The following TNNI3K variants were observed in gnomAD, a reference collection of about 807,000 sequenced individuals.
The protein encoded by TNNI3K is serine/threonine-protein kinase TNNI3K.
Under a neutral mutation model 114.5 loss-of-function variants are expected in TNNI3K, and 140 were observed. That is an observed-to-expected ratio of 1.22 (90% confidence interval 1.07 to 1.41). The LOEUF is 1.41. Among genes scored for constraint, TNNI3K ranks in the 40% most tolerant of loss-of-function variants. TNNI3K has a pLI of 0.00. For synonymous variants in TNNI3K, 347 were observed against 347.5 expected, an observed-to-expected ratio of 1.00 and a Z score of 0.02; for missense variants, 1,125 against 1,007.6, an observed-to-expected ratio of 1.12 and a Z score of -1.58.
At chr1:74,240,382 G>A (rs1368416107) in intron 2 of TNNI3K, 3 of 152,566 alleles carry the variant, frequency 2.0e-5, no homozygotes, top group Non-Finnish European at 4.4e-5. Context: ...TATTGTTTAT[G>A]TTAACAACCC....
At chr1:74,305,867 C>T (rs1400920499) in intron 5 of TNNI3K, among the ~76,000 whole-genome samples, 2 of 151,514 alleles carry the variant, frequency 1.3e-5, no homozygotes, top group South Asian at 2.1e-4. Flanking sequence ...AAAGCTTATT[C>T]TTTCTTCTTA....
At chr1:74,512,102 T>C (rs1235623822) in intron 23 of TNNI3K, among the ~76,000 whole-genome samples, 5 of 152,190 alleles carry the variant, frequency 3.3e-5, no homozygotes, top group Admixed American at 2.0e-4. Context: ...TGAAAAGATC[T>C]GGATGGGACT....
intron 1 of TNNI3K, among the ~76,000 whole-genome samples, chr1:74,235,772 A>G (rs1653812100): frequency 6.6e-6 from 1 of 151,468 alleles, no homozygotes; most frequent in East Asian, 1.9e-4. Flanking sequence ...TTAGAATTAT[A>G]TCTTAAGTAT....
intron 11 of TNNI3K, among the ~76,000 whole-genome samples, chr1:74,357,868 C>T (rs1164642958): frequency 6.6e-6 from 1 of 152,020 alleles, no homozygotes; most frequent in East Asian, 1.9e-4. Context: ...TCCTGTGGTA[C>T]AAAGGACCAG....
chr1:74,542,799 T>C (rs1262624701), intron 24 of TNNI3K, among the ~76,000 whole-genome samples: 1 of 152,056 alleles, frequency 6.6e-6, no homozygotes, highest in African/African-American at 2.4e-5. Context: ...AATGAATGGC[T>C]TTCTTGCTTC....
intron 6 of TNNI3K, among the ~76,000 whole-genome samples, chr1:74,332,976 A>AAAAAAAAAAAAAAAAAAAAAGAG (rs57556485): frequency 5.8e-4 from 53 of 90,756 alleles, no homozygotes; most frequent in Non-Finnish European, 9.7e-4. Context: ...AAAAAAAAAA[A>AAAAAAAAAAAAAAAAAAAAAGAG]AGAGAGAGAC....
At chr1:74,288,790 A>C (rs1440646697) in intron 5 of TNNI3K, among the ~76,000 whole-genome samples, 1 of 152,100 alleles carries the variant, frequency 6.6e-6, no homozygotes, top group African/African-American at 2.4e-5. Flanking sequence ...AAATTTAACT[A>C]TGTGAGGTGA....
intron 23 of TNNI3K, among the ~76,000 whole-genome samples, chr1:74,499,039 A>G (rs1669476700): frequency 6.6e-6 from 1 of 152,210 alleles, no homozygotes; most frequent in African/African-American, 2.4e-5. Context: ...AATCTTCATT[A>G]GAGAAATGAA....
At chr1:74,273,604 A>G (rs1350843352) in intron 5 of TNNI3K, among the ~76,000 whole-genome samples, 1 of 151,960 alleles carries the variant, frequency 6.6e-6, no homozygotes, top group African/African-American at 2.4e-5. Context: ...TAGTTTCTTC[A>G]TCTCCTATTC....
intron 5 of TNNI3K, among the ~76,000 whole-genome samples, chr1:74,328,814 A>G (rs1210363991): frequency 1.3e-5 from 2 of 152,112 alleles, no homozygotes; most frequent in East Asian, 3.9e-4. Flanking sequence ...TGCCTAAGAA[A>G]TTGGCTCTAT....
intron 24 of TNNI3K, among the ~76,000 whole-genome samples, chr1:74,540,855 G>A (rs1255426958): frequency 2.0e-5 from 3 of 152,086 alleles, no homozygotes; most frequent in African/African-American, 7.2e-5. Flanking sequence ...CAGTTTGATG[G>A]GAACCATTTT....
At chr1:74,465,400 T>C (rs45531140) in intron 21 of TNNI3K, among the ~76,000 whole-genome samples, 2,235 of 152,310 alleles carry the variant, frequency 0.015, 49 homozygotes, top group African/African-American at 0.051. Flanking sequence ...GCTTAGCACC[T>C]GAGCCAGCAG....
chr1:74,239,132 C>G (rs1020069277), intron 2 of TNNI3K, among the ~76,000 whole-genome samples: 14 of 151,980 alleles, frequency 9.2e-5, no homozygotes, highest in Non-Finnish European at 2.1e-4. Flanking sequence ...CTGGTGTGGT[C>G]TAAAGAGAGT....
chr1:74,391,912 G>A (rs1430500162), intron 17 of TNNI3K, among the ~76,000 whole-genome samples: 1 of 149,666 alleles, frequency 6.7e-6, no homozygotes. Context: ...AATAAGATGA[G>A]CAAAACATTC....
At chr1:74,277,536 G>C (rs1656757124) in intron 5 of TNNI3K, among the ~76,000 whole-genome samples, 1 of 152,086 alleles carries the variant, frequency 6.6e-6, no homozygotes, top group Admixed American at 6.6e-5. Context: ...CACTATATGG[G>C]CATAACCTAT....
At chr1:74,515,253 A>C (rs1646332999) in intron 23 of TNNI3K, among the ~76,000 whole-genome samples, 1 of 152,226 alleles carries the variant, frequency 6.6e-6, no homozygotes, top group Non-Finnish European at 1.5e-5. Flanking sequence ...CATAGAGCTT[A>C]GGAAGAAAAC....
intron 5 of TNNI3K, among the ~76,000 whole-genome samples, chr1:74,315,950 G>C (rs1183327811): frequency 6.6e-6 from 1 of 152,130 alleles, no homozygotes; most frequent in African/African-American, 2.4e-5. Flanking sequence ...TGTAGAAATT[G>C]AAAGAAGTAT....
chr1:74,237,589 G>A (rs1014218710), intron 2 of TNNI3K, among the ~76,000 whole-genome samples: 1 of 151,966 alleles, frequency 6.6e-6, no homozygotes, highest in Non-Finnish European at 1.5e-5. Context: ...TGAATATTAG[G>A]ATTAACAATG....
chr1:74,255,400 C>A (rs1003379022), intron 4 of TNNI3K, among the ~76,000 whole-genome samples: 2 of 151,868 alleles, frequency 1.3e-5, no homozygotes, highest in African/African-American at 4.8e-5. Context: ...AATGTAACCC[C>A]GTAAGTCTCA....
Sources: gnomAD v4.1 joint callset for allele counts (sites outside exome capture counted in the v4.1 genomes callset) on GRCh38, gnomAD v4.1.1 for gene constraint, MANE v1.5 for transcripts, NCBI Gene and HGNC (gene_info 2026-07-23, HGNC 2026-07-21) for gene names.